ANKS1B: variants seen among roughly 807,000 people sequenced by gnomAD.
ANKS1B encodes ankyrin repeat and sterile alpha motif domain containing 1B, also known as ankyrin repeat and sterile alpha motif domain-containing protein 1B.
Under a neutral mutation model 148.3 loss-of-function variants are expected in ANKS1B, and 36 were observed. The ratio of observed to expected loss-of-function variants is 0.24; its 90% confidence interval spans 0.19 to 0.32. The LOEUF (loss-of-function observed/expected upper bound fraction) is 0.32. ANKS1B is among the 10% of genes least tolerant of loss of function. The pLI, the probability that ANKS1B is intolerant of heterozygous loss-of-function variation, is 1.00. For missense variants in ANKS1B, 1,157 were observed against 1,542.6 expected (o/e 0.75, Z 4.19); for synonymous variants, 542 against 560.8 (o/e 0.97, Z 0.47).
At chr12:99,567,191 C>T (rs573970183) in intron 9 of ANKS1B, among the ~76,000 whole-genome samples, 51 of 152,144 alleles carry the variant, frequency 3.4e-4, no homozygotes, top group Non-Finnish European at 4.9e-4. Flanking sequence ...GGACTCAGGC[C>T]GTCAGTTTAT....
At chr12:99,861,197 T>C (rs1436296043) in intron 1 of ANKS1B, among the ~76,000 whole-genome samples, 1 of 152,218 alleles carries the variant, frequency 6.6e-6, no homozygotes, top group African/African-American at 2.4e-5. Flanking sequence ...GAACCTCTTC[T>C]GGTTCTGAGG....
intron 15 of ANKS1B, among the ~76,000 whole-genome samples, chr12:99,105,768 C>CAAAA (rs11349848): frequency 4.8e-5 from 4 of 82,928 alleles, no homozygotes; most frequent in African/African-American, 1.5e-4. Context: ...GACTCTGTCT[C>CAAAA]AAAAAAAAAA....
At chr12:99,590,089 T>C (rs1022972921) in intron 9 of ANKS1B, among the ~76,000 whole-genome samples, 1 of 152,066 alleles carries the variant, frequency 6.6e-6, no homozygotes, top group Non-Finnish European at 1.5e-5. Context: ...ACTAAAAATA[T>C]AATGCTGAAA....
At chr12:99,461,210 A>T (rs751703095) in intron 10 of ANKS1B, among the ~76,000 whole-genome samples, 1 of 152,138 alleles carries the variant, frequency 6.6e-6, no homozygotes, top group Non-Finnish European at 1.5e-5. Context: ...CTCACTCATA[A>T]GTGGGAGCTA....
At chr12:99,956,202 T>G (rs1258328219) in intron 1 of ANKS1B, among the ~76,000 whole-genome samples, 2 of 149,636 alleles carry the variant, frequency 1.3e-5, no homozygotes, top group African/African-American at 4.9e-5. Context: ...TACTTGAACC[T>G]GTGAGGCAGA....
chr12:99,084,353 C>T (rs1358529961), intron 16 of ANKS1B, among the ~76,000 whole-genome samples: 5 of 152,136 alleles, frequency 3.3e-5, no homozygotes, highest in Non-Finnish European at 7.4e-5. Context: ...GATATTAGGA[C>T]TCTCACTGAA....
chr12:98,824,534 T>A (rs925387692), intron 19 of ANKS1B, among the ~76,000 whole-genome samples: 10 of 152,218 alleles, frequency 6.6e-5, no homozygotes, highest in Admixed American at 2.0e-4. Context: ...ATATAAATTA[T>A]CTGATACATA....
chr12:99,856,834 C>A (rs1263296756), intron 1 of ANKS1B, among the ~76,000 whole-genome samples: 1 of 152,138 alleles, frequency 6.6e-6, no homozygotes, highest in Non-Finnish European at 1.5e-5. Flanking sequence ...ATTCCAACAT[C>A]ACTTTATGAC....
intron 17 of ANKS1B, among the ~76,000 whole-genome samples, chr12:98,942,124 C>A (rs894198372): frequency 7.3e-5 from 11 of 151,546 alleles, no homozygotes; most frequent in Non-Finnish European, 1.3e-4. Context: ...GCCTGTAATC[C>A]CAGCTACTCG....
At chr12:99,172,989 T>A (rs1378579467) in intron 14 of ANKS1B, among the ~76,000 whole-genome samples, 2 of 151,990 alleles carry the variant, frequency 1.3e-5, no homozygotes, top group Non-Finnish European at 2.9e-5. Context: ...CAGAAACAAA[T>A]TTCAAATAGT....
intron 4 of ANKS1B, among the ~76,000 whole-genome samples, chr12:99,782,498 G>T (rs1409487749): frequency 6.6e-6 from 1 of 152,202 alleles, no homozygotes; most frequent in Non-Finnish European, 1.5e-5. Context: ...AGCAGAGGTT[G>T]CAGTGAGCCA....
intron 1 of ANKS1B, among the ~76,000 whole-genome samples, chr12:99,865,718 C>A (rs1485307204): frequency 1.4e-4 from 22 of 152,038 alleles, no homozygotes; most frequent in Admixed American, 1.4e-3. Context: ...AGCTTAGAAG[C>A]CATCTAAAAA....
intron 22 of ANKS1B, among the ~76,000 whole-genome samples, chr12:98,787,293 G>C (rs889592041): frequency 6.6e-6 from 1 of 152,184 alleles, no homozygotes; most frequent in African/African-American, 2.4e-5. Context: ...TCTGGGGAAA[G>C]GCTTCCGCGG....
At chr12:99,569,039 C>A (rs971136373) in intron 9 of ANKS1B, among the ~76,000 whole-genome samples, 10 of 152,178 alleles carry the variant, frequency 6.6e-5, no homozygotes, top group Non-Finnish European at 1.0e-4. Flanking sequence ...AGTTTTTCTA[C>A]CTCCTGGTTT....
intron 8 of ANKS1B, among the ~76,000 whole-genome samples, chr12:99,660,475 T>C (rs902981324): frequency 6.7e-6 from 1 of 150,304 alleles, no homozygotes; most frequent in East Asian, 2.0e-4. Context: ...GTGATTCTCC[T>C]GCCTCAGCCT....
rs1302299103 is a variant in ANKS1B at position 98,751,254 on chromosome 12, C to T, written c.3747+101G>A. 1.7e-6 allele frequency: 2 copies of T among 1,207,146 alleles called. No individual in the cohort carries two copies. Among genetic ancestry groups the T allele is most frequent in the African/African-American group, 1.5e-5 (1 of 64,888 alleles). 74.8% of individuals were successfully genotyped at this position (1,207,146 alleles called of 1,614,324 possible). ...GCCAAGGGAAAGGATGAAGAAGAGGCCCTGGGTTCTAATGGCACCCACACC... is the reference window on the plus strand; with the variant it reads ...GCCAAGGGAAAGGATGAAGAAGAGGTCCTGGGTTCTAATGGCACCCACACC... On this transcript the variant is annotated intron_variant, in intron 26 of 26. Transcript: ENST00000683438. The surrounding 1 kb of genome is among the most constrained non-coding windows in gnomAD (Gnocchi z 4.3).
chr12:98,953,970 T>C (rs1007981665), intron 17 of ANKS1B, among the ~76,000 whole-genome samples: 3 of 152,194 alleles, frequency 2.0e-5, no homozygotes, highest in Non-Finnish European at 4.4e-5. Context: ...TTTAAATCCA[T>C]ATTCTGAAGT....
At chr12:99,663,469 C>A (rs1431009626) in intron 8 of ANKS1B, among the ~76,000 whole-genome samples, 2 of 151,146 alleles carry the variant, frequency 1.3e-5, no homozygotes, top group Non-Finnish European at 2.9e-5. Context: ...TCACCACAAC[C>A]ATTTGTTCCA....
intron 10 of ANKS1B, among the ~76,000 whole-genome samples, chr12:99,453,082 A>C (rs1285497992): frequency 6.6e-6 from 1 of 152,084 alleles, no homozygotes; most frequent in Admixed American, 6.5e-5. Context: ...CAAGGTCAGG[A>C]GATCGAGACC....
Sources: gnomAD v4.1 joint callset for allele counts (sites outside exome capture counted in the v4.1 genomes callset) on GRCh38, gnomAD v4.1.1 for gene constraint, Gnocchi (gnomAD v3.1) non-coding constraint, MANE v1.5 for transcripts, NCBI Gene and HGNC (gene_info 2026-07-23, HGNC 2026-07-21) for gene names.